TAFA2: variants seen among roughly 807,000 people sequenced by gnomAD.
TAFA2 encodes the protein chemokine-like protein TAFA-2.
In TAFA2, 7 loss-of-function variants were observed where a neutral mutation model predicts 18.8. That is an observed-to-expected ratio of 0.37 (90% CI 0.21 to 0.70). The LOEUF is 0.70. Among genes scored for constraint, TAFA2 ranks in the 30% least tolerant of loss-of-function variants. TAFA2 has a pLI of 0.53. For missense variants in TAFA2, 122 were observed against 158.1 expected, an observed-to-expected ratio of 0.77 and a Z score of 1.23; for synonymous variants, 60 against 54.2, an observed-to-expected ratio of 1.11 and a Z score of -0.47.
chr12:61,797,045 A>C (rs981069396), intron 2 of TAFA2, among the ~76,000 whole-genome samples: 1 of 152,224 alleles, frequency 6.6e-6, no homozygotes, highest in Admixed American at 6.5e-5. Context: ...AATTCACAAG[A>C]GTAAATCTTG....
At chr12:62,098,339 G>A (rs1869037166) in intron 1 of TAFA2, among the ~76,000 whole-genome samples, 1 of 152,102 alleles carries the variant, frequency 6.6e-6, no homozygotes, top group Non-Finnish European at 1.5e-5. Flanking sequence ...ACATGACCAA[G>A]GCTGGCCAAT....
chr12:61,737,120 T>A (rs921799790), intron 4 of TAFA2, among the ~76,000 whole-genome samples: 1 of 151,938 alleles, frequency 6.6e-6, no homozygotes, highest in African/African-American at 2.4e-5. Context: ...AAAAGAGTTG[T>A]TATAACAAGG....
intron 1 of TAFA2, among the ~76,000 whole-genome samples, chr12:61,934,626 A>AT (rs1458472370): frequency 6.6e-6 from 1 of 152,370 alleles, no homozygotes; most frequent in African/African-American, 2.4e-5. Context: ...AACGCAGAAG[A>AT]TAAAATGACT....
At chr12:62,088,900 C>A (rs1414876254) in intron 1 of TAFA2, among the ~76,000 whole-genome samples, 1 of 150,062 alleles carries the variant, frequency 6.7e-6, no homozygotes. Flanking sequence ...CTCTCTCTCT[C>A]TCTCTATCTC....
At chr12:61,813,702 G>A (rs1157460060) in intron 2 of TAFA2, among the ~76,000 whole-genome samples, 2 of 151,350 alleles carry the variant, frequency 1.3e-5, no homozygotes, top group African/African-American at 4.9e-5. Context: ...GTGTAATATA[G>A]AAATTAAGAA....
chr12:61,973,354 A>G (rs1320119326), intron 1 of TAFA2, among the ~76,000 whole-genome samples: 2 of 151,442 alleles, frequency 1.3e-5, no homozygotes, highest in Non-Finnish European at 3.0e-5. Context: ...ACATGTTGCA[A>G]ACATATGTAA....
intron 1 of TAFA2, among the ~76,000 whole-genome samples, chr12:62,034,777 A>G (rs1592562838): frequency 6.6e-6 from 1 of 152,202 alleles, no homozygotes; most frequent in South Asian, 2.1e-4. Context: ...GGGAAATTCA[A>G]TGATACAATC....
At chr12:62,001,067 G>A (rs906420279) in intron 1 of TAFA2, among the ~76,000 whole-genome samples, 1 of 152,164 alleles carries the variant, frequency 6.6e-6, no homozygotes, top group Non-Finnish European at 1.5e-5. Flanking sequence ...ATAACAAAAG[G>A]CAGGGGAAAG....
At chr12:62,169,638 T>C (rs1001494453) in intron 1 of TAFA2, among the ~76,000 whole-genome samples, 28 of 152,076 alleles carry the variant, frequency 1.8e-4, no homozygotes, top group Admixed American at 9.8e-4. Flanking sequence ...GATCACGAGG[T>C]CAGGAGATCG....
chr12:62,174,439 T>A (rs2062499045), intron 1 of TAFA2, among the ~76,000 whole-genome samples: 1 of 152,024 alleles, frequency 6.6e-6, no homozygotes, highest in Admixed American at 6.6e-5. Flanking sequence ...TTAAAGAAAG[T>A]ATCATAGAAA....
At chr12:61,732,633 G>A (rs1056831190) in intron 4 of TAFA2, among the ~76,000 whole-genome samples, 41 of 151,970 alleles carry the variant, frequency 2.7e-4, no homozygotes, top group African/African-American at 9.4e-4. Flanking sequence ...CTGTTCAGAT[G>A]GTGATAGTTA....
chr12:61,753,601 C>T (rs1212826984), intron 4 of TAFA2, 21 bp downstream of exon 4: 1 of 1,603,084 alleles, frequency 6.2e-7, no homozygotes, highest in Non-Finnish European at 8.5e-7. Flanking sequence ...TTCTGTTTTC[C>T]CAAGCTTGCT....
intron 1 of TAFA2, among the ~76,000 whole-genome samples, chr12:62,125,189 A>G (rs1870400696): frequency 6.6e-6 from 1 of 152,134 alleles, no homozygotes; most frequent in Admixed American, 6.6e-5. Flanking sequence ...TTTTTTAAAA[A>G]ATTAATAATT....
At chr12:62,011,282 A>T (rs904268287) in intron 1 of TAFA2, among the ~76,000 whole-genome samples, 3 of 152,136 alleles carry the variant, frequency 2.0e-5, no homozygotes. Flanking sequence ...GGCCATGATG[A>T]CGATGGCGGT....
intron 1 of TAFA2, among the ~76,000 whole-genome samples, chr12:62,059,479 G>A (rs917317342): frequency 6.6e-6 from 1 of 151,970 alleles, no homozygotes; most frequent in Non-Finnish European, 1.5e-5. Flanking sequence ...ATGTCACCAG[G>A]TAACAACTAC....
chr12:61,736,854 A>T (rs757991004), intron 4 of TAFA2, among the ~76,000 whole-genome samples: 16 of 152,028 alleles, frequency 1.1e-4, no homozygotes, highest in Non-Finnish European at 2.2e-4. Flanking sequence ...AAAAAAGAGG[A>T]TTCCTTGAAG....
intron 2 of TAFA2, among the ~76,000 whole-genome samples, chr12:61,851,822 G>GAAAAAAA (rs1873677415): frequency 1.5e-5 from 1 of 66,150 alleles, no homozygotes; most frequent in Non-Finnish European, 3.2e-5. Context: ...AAAAAAACAT[G>GAAAAAAA]TTCTAAGTAG....
At chr12:62,199,928 C>T (rs1158455398) in intron 1 of TAFA2, among the ~76,000 whole-genome samples, 1 of 152,032 alleles carries the variant, frequency 6.6e-6, no homozygotes, top group Non-Finnish European at 1.5e-5. Context: ...TTGTTTCTTG[C>T]TTTTTAATAA....
At chr12:61,712,400 T>C (rs886602556) in intron 4 of TAFA2, among the ~76,000 whole-genome samples, 1 of 152,132 alleles carries the variant, frequency 6.6e-6, no homozygotes, top group Non-Finnish European at 1.5e-5. Flanking sequence ...ATTTTGAAAA[T>C]AGACATCTAA....
Sources: gnomAD v4.1 joint callset for allele counts (sites outside exome capture counted in the v4.1 genomes callset) on GRCh38, gnomAD v4.1.1 for gene constraint, MANE v1.5 for transcripts, NCBI Gene and HGNC (gene_info 2026-07-23, HGNC 2026-07-21) for gene names.